FRMPD4: variants seen among roughly 807,000 people sequenced by gnomAD.
The protein encoded by FRMPD4 is FERM and PDZ domain-containing protein 4.
A neutral mutation model predicts 94.1 loss-of-function variants in FRMPD4; 22 were observed. The ratio of observed to expected loss-of-function variants is 0.23; its 90% confidence interval spans 0.17 to 0.33. The LOEUF (loss-of-function observed/expected upper bound fraction) is 0.33, where lower values mean the gene tolerates loss of function less well. FRMPD4 is among the 10% of genes least tolerant of loss of function. The pLI is 1.00. For synonymous variants in FRMPD4, 631 were observed against 548.6 expected, an observed-to-expected ratio of 1.15 and a Z score of -2.10; for missense variants, 1,111 against 1,339.9, an observed-to-expected ratio of 0.83 and a Z score of 2.67.
At chrX:11,952,748 T>A (rs1474498742) in intron 3 of FRMPD4, among the ~76,000 whole-genome samples, 2 of 111,981 alleles carry the variant, frequency 1.8e-5, no homozygotes, top group Non-Finnish European at 3.8e-5. Context: ...TCCTTGGCAA[T>A]GGCTGCCTTG....
intron 1 of FRMPD4, among the ~76,000 whole-genome samples, chrX:12,442,754 A>T (rs2057152581): frequency 8.9e-6 from 1 of 111,953 alleles, no homozygotes; most frequent in South Asian, 3.7e-4. Flanking sequence ...TGAGATGTAA[A>T]CAATGTCCAC....
At position 11,867,827 on chromosome X, in the gene FRMPD4, C is replaced by T. The variant is rs537328618; in HGVS notation, c.-30+2611C>T. On this transcript the variant is annotated intron_variant, in intron 2 of 18. Transcript: ENST00000640291. ...TTATTCGCCTGCTCTAGTCTAACCA[C>T]GCTGAATGCACCAAATAAGTGCCTG... Among the ~76,000 whole-genome samples, 7 of 110,665 alleles carry T rather than the reference C, an allele frequency of 6.3e-5. No homozygotes were observed. The South Asian group carries it at 1.2e-3, about 19-fold the overall frequency.
At chrX:12,641,363 T>A (rs2059498219) in intron 4 of FRMPD4, among the ~76,000 whole-genome samples, 1 of 111,397 alleles carries the variant, frequency 9.0e-6, no homozygotes, top group African/African-American at 3.3e-5. Context: ...AGTCGCCAGT[T>A]AAGAACTGCC....
chrX:12,366,694 C>T (rs1047033357), intron 1 of FRMPD4, among the ~76,000 whole-genome samples: 1 of 112,288 alleles, frequency 8.9e-6, no homozygotes, highest in Non-Finnish European at 1.9e-5. Flanking sequence ...AGTCCTTGCT[C>T]TGATGGATAT....
chrX:11,999,908 C>T (rs1013657075), intron 3 of FRMPD4, among the ~76,000 whole-genome samples: 12 of 111,624 alleles, frequency 1.1e-4, no homozygotes, highest in South Asian at 3.8e-4. Flanking sequence ...ATATTCAAAA[C>T]GTAGTATAGA....
Position 12,080,883 on chromosome X carries a change from A to G in FRMPD4, c.95+202865A>G, listed in dbSNP as rs757224439. On this transcript the variant is annotated intron_variant, in intron 3 of 18. Transcript: ENST00000640291. ...AGCTGAATTATTTCTTTATAAAGGC[A>G]TCAATATTGTATTTTATTACCTTCC... Among the ~76,000 whole-genome samples the G allele has an allele frequency of 6.2e-5, 7 of 112,269 alleles. No individual in the cohort carries two copies. The South Asian group carries it at 1.9e-3, about 30-fold the overall frequency.
chrX:12,370,112 C>T (rs2056142994), intron 1 of FRMPD4, among the ~76,000 whole-genome samples: 1 of 111,300 alleles, frequency 9.0e-6, no homozygotes, highest in South Asian at 3.8e-4. Flanking sequence ...CAGTAACAAA[C>T]ACAATTCACA....
intron 3 of FRMPD4, among the ~76,000 whole-genome samples, chrX:12,129,534 T>C (rs4830759): frequency 0.36 from 40,094 of 110,252 alleles, 6,433 homozygotes; most frequent in East Asian, 0.82. Context: ...ATATCAGCTC[T>C]CCTTCTTCGG....
chrX:12,714,471 C>T (rs749412890), intron 14 of FRMPD4, among the ~76,000 whole-genome samples: 4 of 111,690 alleles, frequency 3.6e-5, no homozygotes, highest in South Asian at 3.7e-4. Flanking sequence ...AGATCCTTAA[C>T]GTTGCAAGAC....
intron 1 of FRMPD4, among the ~76,000 whole-genome samples, chrX:12,140,599 G>A (rs1227292788): frequency 8.9e-6 from 1 of 112,272 alleles, no homozygotes; most frequent in African/African-American, 3.2e-5. Context: ...TCAACCAATA[G>A]TATAGTTCAA....
chrX:11,979,156 G>A (rs1443659610), intron 3 of FRMPD4, among the ~76,000 whole-genome samples: 3 of 110,976 alleles, frequency 2.7e-5, no homozygotes, highest in African/African-American at 9.8e-5. Context: ...ACCCAGCAGT[G>A]GCCATTTCCC....
intron 2 of FRMPD4, among the ~76,000 whole-genome samples, chrX:12,559,654 A>G (rs2058631750): frequency 7.8e-5 from 1 of 12,869 alleles, no homozygotes; most frequent in African/African-American, 4.6e-4. Context: ...CGTCTCAAGG[A>G]AAAAAAAAAA....
intron 1 of FRMPD4, among the ~76,000 whole-genome samples, chrX:12,263,333 A>G (rs1295302145): frequency 9.0e-6 from 1 of 111,686 alleles, no homozygotes; most frequent in African/African-American, 3.3e-5. Context: ...AGTATGCCTG[A>G]CATGCAAGAG....
At chrX:12,275,977 A>G (rs2054428926) in intron 1 of FRMPD4, among the ~76,000 whole-genome samples, 1 of 111,710 alleles carries the variant, frequency 9.0e-6, no homozygotes, top group Admixed American at 9.5e-5. Flanking sequence ...TGCCATCAAA[A>G]CAATCATAGT....
At chrX:12,441,078 G>A (rs1184403625) in intron 1 of FRMPD4, among the ~76,000 whole-genome samples, 1 of 112,131 alleles carries the variant, frequency 8.9e-6, no homozygotes, top group Admixed American at 9.4e-5. Flanking sequence ...GAATAATTCA[G>A]AAAGACTGCA....
intron 9 of FRMPD4, among the ~76,000 whole-genome samples, chrX:12,700,466 G>A (rs1316414557): frequency 8.9e-6 from 1 of 112,100 alleles, no homozygotes; most frequent in Non-Finnish European, 1.9e-5. Context: ...AGCAGTAAGT[G>A]AGGATACTAC....
At chrX:11,927,061 C>T (rs1601842838) in intron 3 of FRMPD4, among the ~76,000 whole-genome samples, 2 of 110,539 alleles carry the variant, frequency 1.8e-5, no homozygotes, top group African/African-American at 6.6e-5. Context: ...TCTTAGGATA[C>T]AAAATCAATG....
At chrX:11,863,138 A>G (rs1256288872) in intron 1 of FRMPD4, among the ~76,000 whole-genome samples, 2 of 108,820 alleles carry the variant, frequency 1.8e-5, no homozygotes, top group African/African-American at 6.7e-5. Context: ...TTCATTTAAC[A>G]TTAGGTATAT....
intron 4 of FRMPD4, among the ~76,000 whole-genome samples, chrX:12,623,905 G>A (rs997200573): frequency 8.9e-6 from 1 of 112,007 alleles, no homozygotes; most frequent in African/African-American, 3.2e-5. Flanking sequence ...TTAGCCAGGG[G>A]CAGTGACACC....
Sources: allele counts gnomAD v4.1 joint callset (sites outside exome capture counted in the v4.1 genomes callset), GRCh38; gene constraint gnomAD v4.1.1; transcripts MANE v1.5; gene names NCBI Gene and HGNC (gene_info 2026-07-23, HGNC 2026-07-21).